The following PLXDC2 variants were observed in gnomAD, a reference collection of about 807,000 sequenced individuals.
PLXDC2 encodes plexin domain-containing protein 2.
In PLXDC2, 40 loss-of-function variants were observed where a neutral mutation model predicts 68.9. That is an observed-to-expected ratio of 0.58 (90% CI 0.45 to 0.76). The LOEUF is 0.76. Among genes scored for constraint, PLXDC2 ranks in the 30% least tolerant of loss-of-function variants. The pLI, the probability that PLXDC2 is intolerant of heterozygous loss-of-function variation, is 0.00. For synonymous variants in PLXDC2, 243 were observed against 234.2 expected (o/e 1.04, Z -0.34); for missense variants, 644 against 661.9 (o/e 0.97, Z 0.30).
intron 1 of PLXDC2, among the ~76,000 whole-genome samples, chr10:19,859,366 A>G (rs1005830189): frequency 6.6e-6 from 1 of 152,264 alleles, no homozygotes; most frequent in Non-Finnish European, 1.5e-5. Context: ...AGACGGCATT[A>G]AATGCTTTAC....
At chr10:20,105,880 T>G (rs530292042) in intron 4 of PLXDC2, among the ~76,000 whole-genome samples, 1 of 152,330 alleles carries the variant, frequency 6.6e-6, no homozygotes, top group African/African-American at 2.4e-5. Context: ...ACAGATTAAT[T>G]TGCTCATTTC....
intron 1 of PLXDC2, among the ~76,000 whole-genome samples, chr10:19,953,007 G>A (rs1834015394): frequency 6.6e-6 from 1 of 152,122 alleles, no homozygotes. Flanking sequence ...TGGGATTACA[G>A]GCATGTGCCA....
At chr10:20,085,702 G>A (rs1283170206) in intron 4 of PLXDC2, among the ~76,000 whole-genome samples, 1 of 152,090 alleles carries the variant, frequency 6.6e-6, no homozygotes, top group Non-Finnish European at 1.5e-5. Context: ...ACACAGTTAA[G>A]ACCTTCTGAC....
intron 4 of PLXDC2, among the ~76,000 whole-genome samples, chr10:20,094,157 C>T (rs1431452671): frequency 2.6e-5 from 4 of 152,138 alleles, no homozygotes; most frequent in Non-Finnish European, 4.4e-5. Flanking sequence ...TAGATAAAGC[C>T]TTCATCTGTA....
At chr10:20,066,495 T>G (rs1227280523) in intron 3 of PLXDC2, among the ~76,000 whole-genome samples, 1 of 152,192 alleles carries the variant, frequency 6.6e-6, no homozygotes, top group Non-Finnish European at 1.5e-5. Flanking sequence ...AATAAGCAAG[T>G]GCTTTTATAA....
chr10:20,254,785 ACT>A (rs1835721338), intron 13 of PLXDC2, among the ~76,000 whole-genome samples: 1 of 151,632 alleles, frequency 6.6e-6, no homozygotes, highest in Admixed American at 6.6e-5. Context: ...AAAAAGAGAC[ACT>A]CTATGTATGT....
intron 1 of PLXDC2, among the ~76,000 whole-genome samples, chr10:19,989,429 A>C (rs1034856264): frequency 2.0e-5 from 3 of 152,208 alleles, no homozygotes; most frequent in Non-Finnish European, 4.4e-5. Flanking sequence ...TATGGTAGAC[A>C]CAAATTGTCC....
At chr10:19,947,412 G>A (rs1007531278) in intron 1 of PLXDC2, among the ~76,000 whole-genome samples, 1 of 152,202 alleles carries the variant, frequency 6.6e-6, no homozygotes, top group Admixed American at 6.5e-5. Flanking sequence ...TCCTGACCCC[G>A]ATGCTAGCTC....
intron 1 of PLXDC2, among the ~76,000 whole-genome samples, chr10:19,844,566 C>T (rs928656876): frequency 6.6e-6 from 1 of 151,312 alleles, no homozygotes; most frequent in Non-Finnish European, 1.5e-5. Flanking sequence ...CTTTTCTTTC[C>T]TCCGTTTATT....
At chr10:20,135,592 G>GT (rs1274278376) in intron 4 of PLXDC2, among the ~76,000 whole-genome samples, 1 of 152,128 alleles carries the variant, frequency 6.6e-6, no homozygotes, top group Non-Finnish European at 1.5e-5. Context: ...TTGTTTGTTT[G>GT]TTTTTTGTCT....
intron 4 of PLXDC2, among the ~76,000 whole-genome samples, chr10:20,071,478 A>G (rs911920504): frequency 6.6e-6 from 1 of 152,164 alleles, no homozygotes; most frequent in African/African-American, 2.4e-5. Context: ...TGTTCTCATG[A>G]TTAGTGAATA....
At chr10:19,994,755 G>GAAA (rs1834814101) in intron 1 of PLXDC2, among the ~76,000 whole-genome samples, 1 of 149,884 alleles carries the variant, frequency 6.7e-6, no homozygotes. Flanking sequence ...TTTTTTTTTT[G>GAAA]TGTGTGTGAC....
chr10:20,168,177 G>C (rs969707197), intron 7 of PLXDC2, among the ~76,000 whole-genome samples: 4 of 151,878 alleles, frequency 2.6e-5, no homozygotes, highest in African/African-American at 4.8e-5. Context: ...TGTTAAAAAA[G>C]GTGGAAATTA....
rs1454664783 is a variant in PLXDC2, at chr10:20,245,472, C to G, written c.1440C>G (p.His480Gln). ...TTGTGACAGTCTATATGTATCACCA[C>G]CCAACATCAGCAGCCAGCATCTTCT... Reference protein sequence around the residue: ...AILVTVYMYHHPTSAASIFFI... With the variant: ...AILVTVYMYHQPTSAASIFFI... The change falls in exon 13 of 14, where the codon CAC becomes CAG. Residue 480 changes from histidine (H) to glutamine (Q), a missense_variant. His to Gln is a conservative substitution (Grantham distance 24, BLOSUM62 0). Transcript: ENST00000377252. 6.2e-7 allele frequency: 1 copy of G among 1,612,596 alleles called. No individual in the cohort carries two copies. Among genetic ancestry groups the G allele is most frequent in the Non-Finnish European group, 8.5e-7 (1 of 1,179,728 alleles).
In PLXDC2 at chr10:19,854,197, G is replaced by T. The variant is rs556941126; in HGVS notation, c.112+37006G>T. 3.9e-3 allele frequency among the ~76,000 whole-genome samples: 588 copies of T among 152,298 alleles called. 1 individual carries two copies. Among genetic ancestry groups the T allele is most frequent in the African/African-American group, 0.013 (559 of 41,560 alleles). On this transcript the variant is annotated intron_variant, in intron 1 of 13. Coordinates refer to ENST00000377252, the MANE Select transcript of PLXDC2 (RefSeq NM_032812.9). ...CAGCAGGGCGAGTGGATGAGGCCTG[G>T]GAGGCAAGTGGCCTGAGCAGATCGG...
At chr10:19,855,377 A>G (rs1287627121) in intron 1 of PLXDC2, among the ~76,000 whole-genome samples, 1 of 152,086 alleles carries the variant, frequency 6.6e-6, no homozygotes, top group Non-Finnish European at 1.5e-5. Context: ...ATTTTTATTT[A>G]TGGAATCAAA....
chr10:19,816,958 A>G lies in PLXDC2; in HGVS notation c.-122A>G. 1 of 665,122 alleles carries G rather than the reference A, an allele frequency of 1.5e-6. No homozygotes were observed. Among genetic ancestry groups the G allele is most frequent in the Non-Finnish European group, 2.6e-6 (1 of 391,190 alleles). 41.2% of individuals were successfully genotyped at this position (665,122 alleles called of 1,614,324 possible). ...CTGTGAAATCGCAGCGACATTTACA[A>G]AGGCCTCCGGGTCCTACCGAGACCG... On this transcript the variant is annotated 5_prime_UTR_variant, in exon 1 of 14. Transcript: ENST00000377252.
At chr10:19,976,588 T>A (rs367903648) in intron 1 of PLXDC2, among the ~76,000 whole-genome samples, 1 of 152,230 alleles carries the variant, frequency 6.6e-6, no homozygotes, top group South Asian at 2.1e-4. Context: ...TTAGCTGCCA[T>A]CAGCGTACAA....
intron 9 of PLXDC2, among the ~76,000 whole-genome samples, chr10:20,197,195 T>C (rs1417660339): frequency 6.6e-6 from 1 of 152,154 alleles, no homozygotes; most frequent in African/African-American, 2.4e-5. Context: ...ACAATAAATA[T>C]AAGCATCTTT....
Sources: gnomAD v4.1 joint callset for allele counts (sites outside exome capture counted in the v4.1 genomes callset) on GRCh38, gnomAD v4.1.1 for gene constraint, MANE v1.5 for transcripts, NCBI Gene and HGNC (gene_info 2026-07-23, HGNC 2026-07-21) for gene names.